OPCML: variants seen among roughly 807,000 people sequenced by gnomAD.
The protein encoded by OPCML is opioid binding protein/cell adhesion molecule like, also known as opioid-binding protein/cell adhesion molecule.
In OPCML, 13 loss-of-function variants were observed where a neutral mutation model predicts 37.8. The ratio of observed to expected loss-of-function variants is 0.34; its 90% CI spans 0.22 to 0.55. The LOEUF is 0.55. Ranked by LOEUF, OPCML falls within the 20% of genes least tolerant of loss-of-function variation. The pLI is 0.91. For synonymous variants in OPCML, 176 were observed against 168.8 expected, an observed-to-expected ratio of 1.04 and a Z score of -0.33; for missense variants, 341 against 435.6, an observed-to-expected ratio of 0.78 and a Z score of 1.93.
At chr11:133,225,257 T>C (rs1939993709) in intron 1 of OPCML, among the ~76,000 whole-genome samples, 2 of 152,222 alleles carry the variant, frequency 1.3e-5, no homozygotes, top group Non-Finnish European at 2.9e-5. Context: ...AGAGAGATTC[T>C]GATTTCTCAG....
At chr11:133,303,286 T>A (rs570824871) in intron 1 of OPCML, among the ~76,000 whole-genome samples, 1 of 152,246 alleles carries the variant, frequency 6.6e-6, no homozygotes, top group East Asian at 1.9e-4. Flanking sequence ...AGAGCAGCAC[T>A]TCAAAAGTAT....
chr11:133,089,321 A>G lies in OPCML; in HGVS notation c.62-146311T>C, dbSNP rs191227458. 1.7e-3 allele frequency among the ~76,000 whole-genome samples: 262 copies of G among 152,388 alleles called. 3 individuals are homozygous for G. The highest frequency in any genetic ancestry group is 3.4e-3 in the Middle Eastern group (1 of 294). ...ATGAATACACTTTAACAACAGCACT[A>G]TCATCTTCCAGATTATTTTCTTTGA... On this transcript the variant is annotated intron_variant, in intron 1 of 7. Coordinates refer to ENST00000524381, the MANE Select transcript of OPCML (RefSeq NM_001012393.5).
At chr11:132,471,510 A>G (rs186201854) in intron 4 of OPCML, among the ~76,000 whole-genome samples, 1 of 152,332 alleles carries the variant, frequency 6.6e-6, no homozygotes, top group East Asian at 1.9e-4. Context: ...GGCTGCAACC[A>G]TCAGAAAGTT....
chr11:132,748,405 C>T (rs1945714021), intron 2 of OPCML, among the ~76,000 whole-genome samples: 1 of 152,156 alleles, frequency 6.6e-6, no homozygotes, highest in African/African-American at 2.4e-5. Flanking sequence ...GCCGTGACTA[C>T]AAAAGAGTGC....
In OPCML at chr11:133,187,211, G is replaced by A. The variant is rs1273412033; in HGVS notation, c.62-244201C>T. On this transcript the variant is annotated intron_variant, in intron 1 of 7. Transcript: ENST00000524381. ...CAAGGGAGTCATGGAGGTGTGGCAT[G>A]GTGCTCAGATGTGATCTGCACCTAC... Among the ~76,000 whole-genome samples the A allele has an allele frequency of 2.0e-5, 3 of 152,158 alleles. No homozygotes were observed. In the East Asian group the frequency reaches 5.8e-4, roughly 29 times the overall value.
chr11:132,883,425 A>G (rs1943291718), intron 2 of OPCML, among the ~76,000 whole-genome samples: 1 of 151,226 alleles, frequency 6.6e-6, no homozygotes, highest in African/African-American at 2.5e-5. Context: ...CAAGAAGGCT[A>G]TTGTAGAAGG....
At chr11:132,479,217 GCA>G (rs1238450514) in intron 4 of OPCML, among the ~76,000 whole-genome samples, 1 of 152,200 alleles carries the variant, frequency 6.6e-6, no homozygotes, top group Non-Finnish European at 1.5e-5. Context: ...CTCAGGAAGT[GCA>G]AGGGGTCAGG....
chr11:132,939,400 A>G (rs1324471542), intron 2 of OPCML, among the ~76,000 whole-genome samples: 1 of 152,248 alleles, frequency 6.6e-6, no homozygotes, highest in Non-Finnish European at 1.5e-5. Context: ...ATTTTAGAAA[A>G]GAGCCATTAA....
intron 1 of OPCML, among the ~76,000 whole-genome samples, chr11:133,229,897 G>A (rs961375409): frequency 6.6e-6 from 1 of 152,190 alleles, no homozygotes; most frequent in African/African-American, 2.4e-5. Flanking sequence ...TTGTGTGTGT[G>A]TGGATGTACA....
At chr11:133,118,778 T>G (rs1949376991) in intron 1 of OPCML, among the ~76,000 whole-genome samples, 1 of 152,174 alleles carries the variant, frequency 6.6e-6, no homozygotes, top group South Asian at 2.1e-4. Flanking sequence ...CAGCTAAGTA[T>G]TCCTGGCCAT....
At chr11:133,525,359 C>T (rs1027151349) in intron 1 of OPCML, among the ~76,000 whole-genome samples, 5 of 152,176 alleles carry the variant, frequency 3.3e-5, no homozygotes, top group Non-Finnish European at 7.3e-5. Flanking sequence ...CAGGCCTTGT[C>T]TACGGAACTG....
intron 1 of OPCML, chr11:133,006,616 G>A: frequency 1.0e-6 from 1 of 985,424 alleles, no homozygotes; most frequent in Non-Finnish European, 1.2e-6. Flanking sequence ...TGCCCCACTG[G>A]CCAGAACTAT....
chr11:132,497,426 A>C (rs1256312026), intron 4 of OPCML, among the ~76,000 whole-genome samples: 1 of 151,996 alleles, frequency 6.6e-6, no homozygotes, highest in Admixed American at 6.6e-5. Flanking sequence ...CAAAAAAAAA[A>C]AAAAGAAAAA....
At chr11:133,398,189 A>C (rs1157528902) in intron 1 of OPCML, among the ~76,000 whole-genome samples, 1 of 152,058 alleles carries the variant, frequency 6.6e-6, no homozygotes, top group Non-Finnish European at 1.5e-5. Flanking sequence ...CAAAATTCAG[A>C]CCTCCCTCAT....
At chr11:133,180,211 G>A (rs967191762) in intron 1 of OPCML, among the ~76,000 whole-genome samples, 5 of 152,274 alleles carry the variant, frequency 3.3e-5, no homozygotes, top group African/African-American at 1.2e-4. Flanking sequence ...GGGAGCTGGG[G>A]CCAGGGTATT....
At chr11:133,294,795 T>TTTTTC (rs1410082638) in intron 1 of OPCML, among the ~76,000 whole-genome samples, 151 of 147,428 alleles carry the variant, frequency 1.0e-3, no homozygotes, top group African/African-American at 1.9e-3. Context: ...TTCTTTTTTT[T>TTTTTC]TTTCTTTCTT....
chr11:132,558,022 G>T (rs1435446745), intron 3 of OPCML, among the ~76,000 whole-genome samples: 2 of 152,060 alleles, frequency 1.3e-5, no homozygotes, highest in Non-Finnish European at 2.9e-5. Flanking sequence ...GTGTTACTTA[G>T]TCCCTACTAT....
intron 1 of OPCML, among the ~76,000 whole-genome samples, chr11:133,461,413 G>A (rs1472610263): frequency 2.6e-5 from 4 of 151,744 alleles, no homozygotes; most frequent in African/African-American, 9.7e-5. Flanking sequence ...AAATCAACAT[G>A]CAAAAATTGG....
At chr11:133,193,334 A>T (rs565488403) in intron 1 of OPCML, among the ~76,000 whole-genome samples, 1 of 152,322 alleles carries the variant, frequency 6.6e-6, no homozygotes, top group Non-Finnish European at 1.5e-5. Context: ...CCCGCAAAGA[A>T]CTGAGCTGGG....
Sources: gnomAD v4.1 joint callset for allele counts (sites outside exome capture counted in the v4.1 genomes callset) on GRCh38, gnomAD v4.1.1 for gene constraint, MANE v1.5 for transcripts, NCBI Gene and HGNC (gene_info 2026-07-23, HGNC 2026-07-21) for gene names.